Variants in NCKAP1 observed in about 807,000 individuals in gnomAD.
NCKAP1 encodes the protein nck-associated protein 1.
A neutral mutation model predicts 151.2 loss-of-function variants in NCKAP1; 21 were observed. The observed-to-expected ratio is 0.14, with a 90% CI of 0.10 to 0.20. The LOEUF (loss-of-function observed/expected upper bound fraction) is 0.20, where lower values mean the gene tolerates loss of function less well. NCKAP1 is among the 10% of genes least tolerant of loss of function. The probability of loss-of-function intolerance (pLI) is 1.00; values close to 1 mark genes in which losing one functional copy is unlikely to be tolerated. For synonymous variants in NCKAP1, 484 were observed against 451.8 expected, an observed-to-expected ratio of 1.07 and a Z score of -0.90; for missense variants, 933 against 1,352.1, an observed-to-expected ratio of 0.69 and a Z score of 4.86.
chr2:182,934,980 T>C (rs1696843810), intron 25 of NCKAP1, 148 bp from the exon 26 acceptor site: 1 of 568,194 alleles, frequency 1.8e-6, no homozygotes, highest in African/African-American at 1.9e-5. Flanking sequence ...TTTCAAGACA[T>C]ATGAAAATTA....
intron 23 of NCKAP1, among the ~76,000 whole-genome samples, chr2:182,946,401 CA>C (rs112998465): frequency 9.7e-5 from 14 of 144,698 alleles, no homozygotes; most frequent in Non-Finnish European, 1.2e-4. Flanking sequence ...ACTCTGTTTA[CA>C]AAAAAAAAAG....
At chr2:183,012,954 G>C (rs747998514) in intron 2 of NCKAP1, among the ~76,000 whole-genome samples, 49 of 151,574 alleles carry the variant, frequency 3.2e-4, no homozygotes, top group Non-Finnish European at 5.6e-4. Context: ...AACTTTAAAT[G>C]GCCCATCATT....
chr2:182,986,810 A>C (rs1030295578), intron 9 of NCKAP1, among the ~76,000 whole-genome samples: 5 of 152,226 alleles, frequency 3.3e-5, no homozygotes, highest in Non-Finnish European at 7.3e-5. Flanking sequence ...AAATAAAAAA[A>C]CATTTAATTA....
intron 1 of NCKAP1, among the ~76,000 whole-genome samples, chr2:183,033,090 T>G (rs139479648): frequency 3.3e-5 from 5 of 152,238 alleles, no homozygotes; most frequent in African/African-American, 1.2e-4. Flanking sequence ...CTAACCTACC[T>G]AACATCATAG....
At chr2:182,935,815 C>T (rs1271586831) in intron 24 of NCKAP1, among the ~76,000 whole-genome samples, 1 of 152,098 alleles carries the variant, frequency 6.6e-6, no homozygotes, top group Non-Finnish European at 1.5e-5. Flanking sequence ...CTCAGCAGTG[C>T]TAAATTCTTA....
At chr2:182,940,700 A>G (rs779194845) in intron 24 of NCKAP1, among the ~76,000 whole-genome samples, 2 of 152,236 alleles carry the variant, frequency 1.3e-5, no homozygotes, top group African/African-American at 4.8e-5. Flanking sequence ...TTGGCTCCCA[A>G]TGTGCTGGGA....
rs1194499309 is a variant in NCKAP1, at chr2:182,911,241, G to A, written c.*14461C>T. On this transcript the variant is annotated 3_prime_UTR_variant, in exon 31 of 31. Coordinates refer to ENST00000361354, the MANE Select transcript of NCKAP1 (RefSeq NM_013436.5). ...ATTAAGGGAGTCCACTGACCATGGAGTGGTTCTGGCCAGTCTAGGGAAGAT... is the reference window on the plus strand; with the variant it reads ...ATTAAGGGAGTCCACTGACCATGGAATGGTTCTGGCCAGTCTAGGGAAGAT... 6.6e-6 allele frequency: 1 copy of A among 152,528 alleles called. No individual in the cohort carries two copies. The highest frequency in any genetic ancestry group is 1.5e-5 in the Non-Finnish European group (1 of 68,092). The allele number at this position is 152,528 out of a possible 1,614,324, so 9.4% of individuals were successfully genotyped here.
rs1374298840 is a variant in NCKAP1, at chr2:182,911,662, T to C, written c.*14040A>G. The stretch of plus-strand genomic sequence containing the variant: ...GTTAGGTTTGCTATATCCTTTTTTT[T>C]CTCCCAAGCTGTTTGAGCTTTTATG... On this transcript the variant is annotated 3_prime_UTR_variant, in exon 31 of 31. Coordinates refer to ENST00000361354, the MANE Select transcript of NCKAP1 (RefSeq NM_013436.5). 1.3e-5 allele frequency: 2 copies of C among 152,138 alleles called. No individual in the cohort carries two copies. Among genetic ancestry groups the C allele is most frequent in the Non-Finnish European group, 2.9e-5 (2 of 68,020 alleles). The allele number at this position is 152,138 out of a possible 1,614,324, so 9.4% of individuals were successfully genotyped here. A position where few individuals can be genotyped will look rare whatever the true frequency, so the allele number is the denominator to read the frequency against.
intron 2 of NCKAP1, among the ~76,000 whole-genome samples, chr2:183,007,141 GGGAT>G (rs1698492976): frequency 6.6e-6 from 1 of 152,118 alleles, no homozygotes; most frequent in Non-Finnish European, 1.5e-5. Context: ...CCAAAGTGCT[GGGAT>G]TATAAGCATG....
chr2:182,989,313 T>TAACAAC (rs1471540166), intron 8 of NCKAP1, 127 bp from the exon 9 acceptor site: 1 of 643,232 alleles, frequency 1.6e-6, no homozygotes, highest in African/African-American at 1.8e-5. Flanking sequence ...TGAGTGACAG[T>TAACAAC]AACAATACAT....
intron 1 of NCKAP1, 152 bp downstream of exon 1, chr2:183,037,840 C>A (rs1016479538): frequency 5.4e-5 from 30 of 556,778 alleles, no homozygotes; most frequent in Admixed American, 3.5e-4. Context: ...TAGGCCGCGG[C>A]GCATCCAGGC....
chr2:182,992,442 G>A (rs1331017383), intron 8 of NCKAP1, among the ~76,000 whole-genome samples: 9 of 152,164 alleles, frequency 5.9e-5, no homozygotes, highest in East Asian at 1.9e-4. Context: ...CAGCATTCCC[G>A]TTTAAAATAA....
At chr2:182,946,777 C>G (rs1303621997) in intron 23 of NCKAP1, among the ~76,000 whole-genome samples, 3 of 142,892 alleles carry the variant, frequency 2.1e-5, no homozygotes, top group African/African-American at 7.7e-5. Flanking sequence ...AAAACAAGAT[C>G]AAAGGAGAAA....
rs899287574 is a variant in NCKAP1 at position 182,923,283 on chromosome 2, T to C, written c.*2419A>G. 1.3e-5 allele frequency: 2 copies of C among 150,520 alleles called. No individual in the cohort carries two copies. The highest frequency in any genetic ancestry group is 3.0e-5 in the Non-Finnish European group (2 of 67,462). 9.3% of individuals were successfully genotyped at this position (150,520 alleles called of 1,614,324 possible). On this transcript the variant is annotated 3_prime_UTR_variant, in exon 31 of 31. Transcript: ENST00000361354. ...CAATCTATCCAAATGAGTATTTTCT[T>C]TTTTTTTTTGAGACAGTCTCATTCT...
chr2:183,001,770 C>G (rs1698378853), intron 6 of NCKAP1, among the ~76,000 whole-genome samples, 183 bp downstream of exon 6: 2 of 152,106 alleles, frequency 1.3e-5, no homozygotes, highest in South Asian at 4.1e-4. Flanking sequence ...TCTTGAGTCT[C>G]TATACACTAT....
At chr2:182,965,471 G>A (rs1030991746) in intron 16 of NCKAP1, among the ~76,000 whole-genome samples, 7 of 151,948 alleles carry the variant, frequency 4.6e-5, no homozygotes, top group African/African-American at 1.7e-4. Context: ...TTGCGGGTGT[G>A]AGCCATGGCA....
chr2:183,018,659 A>G (rs570007168), intron 2 of NCKAP1, among the ~76,000 whole-genome samples: 4 of 152,328 alleles, frequency 2.6e-5, no homozygotes, highest in East Asian at 3.8e-4. Flanking sequence ...AAAAAGTACA[A>G]TCTTTTTTTA....
chr2:182,985,254 C>T (rs1698029391), intron 10 of NCKAP1, among the ~76,000 whole-genome samples: 1 of 152,132 alleles, frequency 6.6e-6, no homozygotes, highest in Non-Finnish European at 1.5e-5. Flanking sequence ...TGTTGCTTGT[C>T]TTCTCTCTGC....
chr2:182,938,325 TA>T (rs1696923761), intron 24 of NCKAP1, among the ~76,000 whole-genome samples: 1 of 151,868 alleles, frequency 6.6e-6, no homozygotes, highest in Non-Finnish European at 1.5e-5. Flanking sequence ...TGACACTACA[TA>T]AAAGATGAAC....
Sources: gnomAD v4.1 joint callset for allele counts (sites outside exome capture counted in the v4.1 genomes callset) on GRCh38, gnomAD v4.1.1 for gene constraint, MANE v1.5 for transcripts, NCBI Gene and HGNC (gene_info 2026-07-23, HGNC 2026-07-21) for gene names.